PRKN: variants seen among roughly 807,000 people sequenced by gnomAD.
PRKN encodes the protein parkin RBR E3 ubiquitin protein ligase.
In PRKN, 56 loss-of-function variants were observed where a neutral mutation model predicts 59.5. That is an observed-to-expected ratio of 0.94 (90% CI 0.76 to 1.18). The LOEUF (loss-of-function observed/expected upper bound fraction) is 1.18, where lower values mean the gene tolerates loss of function less well. Among genes scored for constraint, PRKN ranks in the 50% most tolerant of loss-of-function variants. The pLI is 0.00. For missense variants in PRKN, 657 were observed against 596.4 expected (o/e 1.10, Z -1.06); for synonymous variants, 250 against 222.1 (o/e 1.13, Z -1.12).
rs113856172 is a variant in PRKN at position 162,055,514 on chromosome 6, C to T, written c.535-1340G>A. 9.1e-4 allele frequency among the ~76,000 whole-genome samples: 138 copies of T among 152,114 alleles called. 1 individual carries two copies. The highest frequency in any genetic ancestry group is 3.9e-3 in the East Asian group (20 of 5,162). ...CAGGTGGCAGCCTGGACCTCCTCAC[C>T]GTGGGTGGAGCAGTGAGGTGGCCAC... On this transcript the variant is annotated intron_variant, in intron 4 of 11. Transcript: ENST00000366898.
intron 6 of PRKN, among the ~76,000 whole-genome samples, chr6:161,867,630 T>C (rs1206713252): frequency 6.6e-6 from 1 of 152,166 alleles, no homozygotes; most frequent in Non-Finnish European, 1.5e-5. Flanking sequence ...GATAAATACT[T>C]GCCATAGTAA....
intron 5 of PRKN, among the ~76,000 whole-genome samples, chr6:161,978,531 C>T (rs1030445079): frequency 3.9e-5 from 6 of 152,244 alleles, no homozygotes; most frequent in African/African-American, 1.4e-4. Context: ...TGGGTGTCAT[C>T]TCACAGACAG....
At position 161,364,853 on chromosome 6, in the gene PRKN, C is replaced by T. The variant is rs573160814; in HGVS notation, c.1168-4648G>A. Among the ~76,000 whole-genome samples, 4 of 151,540 alleles carry T rather than the reference C, an allele frequency of 2.6e-5. No homozygotes were observed. The South Asian group carries it at 8.4e-4, about 32-fold the overall frequency. ...GGCTGAGGCAGGAGAATTGCTTGAA[C>T]CTGGGAGGTGGAGGTTGCAGTGAGC... is the stretch of plus-strand genomic sequence containing the variant. On this transcript the variant is annotated intron_variant, in intron 10 of 11. Coordinates refer to ENST00000366898, the MANE Select transcript of PRKN (RefSeq NM_004562.3).
chr6:161,722,332 A>G (rs9458346), intron 7 of PRKN, among the ~76,000 whole-genome samples: 26,881 of 152,226 alleles, frequency 0.18, 2,449 homozygotes, highest in South Asian at 0.21. Context: ...ATATCATTGT[A>G]CTTAGTATAT....
intron 7 of PRKN, among the ~76,000 whole-genome samples, chr6:161,644,843 C>T (rs935874486): frequency 1.3e-5 from 2 of 152,214 alleles, no homozygotes; most frequent in Admixed American, 6.5e-5. Flanking sequence ...CCCGAAATGA[C>T]TCAGCTGCAC....
intron 1 of PRKN, among the ~76,000 whole-genome samples, chr6:162,540,722 A>C (rs1050197660): frequency 2.0e-5 from 3 of 150,736 alleles, no homozygotes; most frequent in African/African-American, 7.3e-5. Context: ...CACGAGAATC[A>C]CTTGAACCCA....
At chr6:161,580,244 C>T (rs764634307) in intron 7 of PRKN, among the ~76,000 whole-genome samples, 18 of 152,108 alleles carry the variant, frequency 1.2e-4, no homozygotes, top group Non-Finnish European at 2.5e-4. Flanking sequence ...TGAATCTGAG[C>T]ACGTCTCATC....
chr6:162,284,809 G>A (rs1781107293), intron 2 of PRKN, among the ~76,000 whole-genome samples: 1 of 152,074 alleles, frequency 6.6e-6, no homozygotes, highest in East Asian at 1.9e-4. Flanking sequence ...GCTATTTACT[G>A]CCAATATGCT....
intron 4 of PRKN, among the ~76,000 whole-genome samples, chr6:162,141,446 G>C (rs1042154173): frequency 3.3e-5 from 5 of 152,142 alleles, no homozygotes; most frequent in Non-Finnish European, 7.4e-5. Flanking sequence ...GCAATCTACA[G>C]TTTAATGTAT....
intron 9 of PRKN, among the ~76,000 whole-genome samples, chr6:161,452,044 C>G (rs1027028612): frequency 1.3e-5 from 2 of 151,978 alleles, no homozygotes; most frequent in African/African-American, 4.8e-5. Context: ...CACCCTCCCC[C>G]TCCCGGGTTC....
intron 2 of PRKN, among the ~76,000 whole-genome samples, chr6:162,416,126 G>A (rs1235893033): frequency 1.3e-5 from 2 of 152,096 alleles, no homozygotes; most frequent in Non-Finnish European, 2.9e-5. Flanking sequence ...GGACATTTGT[G>A]CTAATGGCCC....
At chr6:162,455,288 T>A (rs1790815148) in intron 1 of PRKN, among the ~76,000 whole-genome samples, 1 of 152,190 alleles carries the variant, frequency 6.6e-6, no homozygotes, top group South Asian at 2.1e-4. Flanking sequence ...CACCCATCCA[T>A]CCACCTACTC....
chr6:161,809,329 T>C (rs988209846), intron 6 of PRKN, among the ~76,000 whole-genome samples: 1 of 151,984 alleles, frequency 6.6e-6, no homozygotes, highest in East Asian at 1.9e-4. Context: ...TACTTGATCA[T>C]ACGAGAAGGT....
At chr6:161,769,372 C>T (rs958691688) in intron 7 of PRKN, among the ~76,000 whole-genome samples, 5 of 152,104 alleles carry the variant, frequency 3.3e-5, no homozygotes, top group African/African-American at 1.2e-4. Flanking sequence ...GAAATCAGCT[C>T]GACATCCAGT....
chr6:162,401,182 C>T (rs1468009795), intron 2 of PRKN, among the ~76,000 whole-genome samples: 2 of 151,348 alleles, frequency 1.3e-5, no homozygotes, highest in African/African-American at 4.9e-5. Context: ...ATATAAACAA[C>T]ATAACCATAA....
chr6:161,591,135 C>T (rs1781707111), intron 7 of PRKN, among the ~76,000 whole-genome samples: 1 of 151,634 alleles, frequency 6.6e-6, no homozygotes, highest in Non-Finnish European at 1.5e-5. Context: ...TCAAAGGATT[C>T]AGAAAAAAAA....
intron 7 of PRKN, among the ~76,000 whole-genome samples, chr6:161,611,223 C>T (rs767646813): frequency 5.9e-5 from 9 of 152,158 alleles, no homozygotes; most frequent in Non-Finnish European, 1.2e-4. Context: ...TAATGTGAGT[C>T]TATGTGCGTA....
chr6:161,509,725 C>A (rs890242874), intron 9 of PRKN, among the ~76,000 whole-genome samples: 2 of 151,532 alleles, frequency 1.3e-5, no homozygotes, highest in African/African-American at 4.9e-5. Flanking sequence ...ACTAAAAATA[C>A]AAAAATTAGC....
At chr6:161,611,851 G>A (rs1410129478) in intron 7 of PRKN, among the ~76,000 whole-genome samples, 3 of 152,340 alleles carry the variant, frequency 2.0e-5, no homozygotes, top group Admixed American at 6.5e-5. Context: ...AGCTAGCCAA[G>A]CTGTGAACTG....
Sources: gnomAD v4.1 joint callset for allele counts (sites outside exome capture counted in the v4.1 genomes callset) on GRCh38, gnomAD v4.1.1 for gene constraint, MANE v1.5 for transcripts, NCBI Gene and HGNC (gene_info 2026-07-23, HGNC 2026-07-21) for gene names.